ADGRA2: variants seen among roughly 807,000 people sequenced by gnomAD.
The protein encoded by ADGRA2 is adhesion G protein-coupled receptor A2, also known as G-protein coupled receptor 124.
In ADGRA2, 61 loss-of-function variants were observed where a neutral mutation model predicts 98.7. That is an observed-to-expected ratio of 0.62 (90% confidence interval 0.50 to 0.76). ADGRA2 has a LOEUF of 0.76. Ranked by LOEUF, ADGRA2 falls within the 30% of genes least tolerant of loss-of-function variation. The probability of loss-of-function intolerance (pLI) is 0.00; values close to 1 mark genes in which losing one functional copy is unlikely to be tolerated. For synonymous variants in ADGRA2, 858 were observed against 831.5 expected (o/e 1.03, Z -0.55); for missense variants, 1,712 against 1,860.0 (o/e 0.92, Z 1.46).
At position 37,833,673 on chromosome 8, in the gene ADGRA2, T is replaced by TC. The variant is rs1478274322; in HGVS notation, c.1297-10dup. On this transcript the variant is annotated splice_polypyrimidine_tract_variant and intron_variant, in intron 9 of 18. Coordinates refer to ENST00000412232, the MANE Select transcript of ADGRA2 (RefSeq NM_032777.10). ...GAACAGGCGAGATGATCCTCTCTCT[T>TC]CCCCCAATCCCCAGATGCCCATCAA... is the stretch of plus-strand genomic sequence containing the variant. 10 of 1,613,136 alleles carry TC rather than the reference T, an allele frequency of 6.2e-6. No homozygotes were observed. Among genetic ancestry groups the TC allele is most frequent in the Non-Finnish European group, 8.5e-6 (10 of 1,179,332 alleles).
rs150610142 is a variant in ADGRA2 at position 37,822,626 on chromosome 8, C to G, written c.339-6262C>G. Among the ~76,000 whole-genome samples, 788 of 152,272 alleles carry G rather than the reference C, an allele frequency of 5.2e-3. 3 individuals carry two copies. The highest frequency in any genetic ancestry group is 0.018 in the African/African-American group (757 of 41,550). ...ACAGTCACTCCTCATTCCTCCACCC[C>G]CTCTTCCCCAGGCCCAAGCAACCAC... On this transcript the variant is annotated intron_variant, in intron 2 of 18. Transcript: ENST00000412232.
chr8:37,819,596 T>C (rs1206366991), intron 2 of ADGRA2, among the ~76,000 whole-genome samples: 1 of 152,210 alleles, frequency 6.6e-6, no homozygotes, highest in Non-Finnish European at 1.5e-5. Context: ...GGTCTCGATC[T>C]CTTCACCTTG....
chr8:37,835,265 G>A lies in ADGRA2; in HGVS notation c.1700G>A (p.Gly567Glu). The A allele has an allele frequency of 6.2e-7, 1 of 1,613,872 alleles. No individual in the cohort carries two copies. Among genetic ancestry groups the A allele is most frequent in the South Asian group, 1.1e-5 (1 of 91,074 alleles). ...ACAGCCTTCCAGAGGAGGGAGGGAG[G>A]GGTGCCGGGCACACGGCCAGGAAGC... is the stretch of plus-strand genomic sequence containing the variant. ...TCTAFQRREG[G>E]VPGTRPGSPG... The change falls in exon 12 of 19, where the codon GGG becomes GAG. Residue 567 changes from glycine to glutamate, a missense_variant. Transcript: ENST00000412232.
rs2129913439 is a variant in ADGRA2, at chr8:37,806,483, G to T, written c.267-8413G>T. ...GCTTCAGACAATGTGACCCCTATGG[G>T]TGTGGCATTTTCTTTTTCTTTTTCT... On this transcript the variant is annotated intron_variant, in intron 1 of 18. Coordinates refer to ENST00000412232, the MANE Select transcript of ADGRA2 (RefSeq NM_032777.10). 1.4e-5 allele frequency among the ~76,000 whole-genome samples: 2 copies of T among 143,602 alleles called. 1 individual carries two copies. Among genetic ancestry groups the T allele is most frequent in the South Asian group, 4.4e-4 (2 of 4,552 alleles). 94.2% of individuals were successfully genotyped at this position (143,602 alleles called of 152,430 possible).
chr8:37,800,106 T>G (rs573435863), intron 1 of ADGRA2, among the ~76,000 whole-genome samples: 48 of 151,962 alleles, frequency 3.2e-4, no homozygotes, highest in Non-Finnish European at 6.6e-4. Context: ...ATGATCTGTC[T>G]CCTCCCCATC....
At chr8:37,805,705 T>TA (rs1221004983) in intron 1 of ADGRA2, among the ~76,000 whole-genome samples, 1 of 151,776 alleles carries the variant, frequency 6.6e-6, no homozygotes, top group Non-Finnish European at 1.5e-5. Context: ...CCGTCTCTAC[T>TA]AAAAATACAA....
chr8:37,835,111 T>C (rs1805567359), intron 11 of ADGRA2, 63 bp from the exon 12 acceptor site: 2 of 1,187,440 alleles, frequency 1.7e-6, no homozygotes, highest in East Asian at 2.4e-5. Flanking sequence ...TTGAGAGAGA[T>C]GTGCAGTCCC....
chr8:37,811,174 T>G (rs1052131304), intron 1 of ADGRA2, among the ~76,000 whole-genome samples: 2 of 146,036 alleles, frequency 1.4e-5, no homozygotes, highest in Non-Finnish European at 3.0e-5. Context: ...GTGTGTTTTT[T>G]TTTTTTTTTT....
intron 2 of ADGRA2, among the ~76,000 whole-genome samples, chr8:37,818,930 A>T (rs1805055051): frequency 6.6e-6 from 1 of 152,152 alleles, no homozygotes; most frequent in Admixed American, 6.5e-5. Flanking sequence ...CTCAGGAAGG[A>T]TGAAGAGAGC....
rs1003384722 is a variant in ADGRA2 at position 37,834,515 on chromosome 8, G to A, written c.1608+387G>A. 3.3e-5 allele frequency among the ~76,000 whole-genome samples: 5 copies of A among 152,216 alleles called. No homozygotes were observed. In the East Asian group the frequency reaches 5.8e-4, roughly 18 times the overall value. On this transcript the variant is annotated intron_variant, in intron 11 of 18. Coordinates refer to ENST00000412232, the MANE Select transcript of ADGRA2 (RefSeq NM_032777.10). This position sits in a 1 kb window ranked among gnomAD's most constrained non-coding sequence, Gnocchi z 4.2. ...CTGATAACAACCACAGTACAGCATC[G>A]TGTATGTTCAAGATATTGTGCTAGG...
chr8:37,819,928 C>T (rs1217827416), intron 2 of ADGRA2, among the ~76,000 whole-genome samples: 1 of 150,480 alleles, frequency 6.6e-6, no homozygotes, highest in Non-Finnish European at 1.5e-5. Flanking sequence ...ACCTCAGCCT[C>T]CCAAAGTGCT....
intron 1 of ADGRA2, among the ~76,000 whole-genome samples, chr8:37,808,049 C>T (rs553510058): frequency 1.2e-4 from 18 of 152,320 alleles, no homozygotes; most frequent in Middle Eastern, 3.4e-3. Context: ...CCTTGGCCTC[C>T]AGCCTCATTA....
At position 37,835,427 on chromosome 8, in the gene ADGRA2, G is replaced by A. The variant is rs763071863; in HGVS notation, c.1833+29G>A. 5 of 1,585,226 alleles carry A rather than the reference G, an allele frequency of 3.2e-6. No individual in the cohort carries two copies. The South Asian group carries it at 4.4e-5, about 14-fold the overall frequency. ...GGCGCTGGGGGAGGGAGAGGGGGTG[G>A]GAGAAGGGAGGCACTCAGATGCAGG... On this transcript the variant is annotated intron_variant, in intron 12 of 18. Coordinates refer to ENST00000412232, the MANE Select transcript of ADGRA2 (RefSeq NM_032777.10).
chr8:37,831,507 G>A lies in ADGRA2; in HGVS notation c.1017G>A (p.Lys339=), dbSNP rs1417142267. The A allele has an allele frequency of 5.0e-6, 8 of 1,613,934 alleles. No individual in the cohort carries two copies. The highest frequency in any genetic ancestry group is 5.1e-6 in the Non-Finnish European group (6 of 1,180,030). ...TVSMAQGNAS[K]KVEIVVLETS... is the part of the protein sequence containing the mutation. ...CCATGGCCCAAGGCAACGCCAGCAA[G>A]AAGGTGGAGATCGTGGTGCTGGAGA... Residue 339 remains lysine, a synonymous_variant, in exon 8 of 19, where the codon AAG becomes AAA. Transcript: ENST00000412232.
At position 37,843,070 on chromosome 8, in the gene ADGRA2, G is replaced by A. The variant is rs1805860921; in HGVS notation, c.*715G>A. ...AGAGGTGGCACACCGGGACAAAGCT[G>A]AGGCCCTGCACCTCAACAGCTGACT... On this transcript the variant is annotated 3_prime_UTR_variant, in exon 19 of 19. Coordinates refer to ENST00000412232, the MANE Select transcript of ADGRA2 (RefSeq NM_032777.10). 1 of 152,374 alleles carries A rather than the reference G, an allele frequency of 6.6e-6. No homozygotes were observed. Among genetic ancestry groups the A allele is most frequent in the Non-Finnish European group, 1.5e-5 (1 of 68,126 alleles). The allele number at this position is 152,374 out of a possible 1,614,324, so 9.4% of individuals were successfully genotyped here.
chr8:37,814,025 A>T lies in ADGRA2; in HGVS notation c.267-871A>T, dbSNP rs148941575. Among the ~76,000 whole-genome samples, 1,168 of 152,356 alleles carry T rather than the reference A, an allele frequency of 7.7e-3. 8 individuals carry two copies. Among genetic ancestry groups the T allele is most frequent in the Non-Finnish European group, 0.012 (815 of 68,038 alleles). ...CCAAAGAAGGGAGACCCTTTGCCTCAGCCCAGGGCAGGCAAGAGTTTGGGC... is the reference window on the plus strand; with the variant it reads ...CCAAAGAAGGGAGACCCTTTGCCTCTGCCCAGGGCAGGCAAGAGTTTGGGC... On this transcript the variant is annotated intron_variant, in intron 1 of 18. Coordinates refer to ENST00000412232, the MANE Select transcript of ADGRA2 (RefSeq NM_032777.10). This position sits in a 1 kb window ranked among gnomAD's most constrained non-coding sequence, Gnocchi z 4.3.
chr8:37,831,546 C>T lies in ADGRA2; in HGVS notation c.1056C>T (p.Tyr352=), dbSNP rs369657371. 4.8e-5 allele frequency: 78 copies of T among 1,613,742 alleles called. No homozygotes were observed. The highest frequency in any genetic ancestry group is 6.4e-5 in the Non-Finnish European group (76 of 1,180,034). Residue 352 remains tyrosine, a synonymous_variant, in exon 8 of 19, where the codon TAC becomes TAT. Coordinates refer to ENST00000412232, the MANE Select transcript of ADGRA2 (RefSeq NM_032777.10). ...EIVVLETSAS[Y]CPAERVANNR... is the part of the protein sequence containing the mutation. The stretch of plus-strand genomic sequence containing the variant: ...TGGTGCTGGAGACCTCTGCCTCCTA[C>T]TGCCCCGCCGAGCGTGTTGCCAACA...
chr8:37,836,038 A>ACAC (rs1805602800), intron 13 of ADGRA2, among the ~76,000 whole-genome samples: 2 of 124,500 alleles, frequency 1.6e-5, no homozygotes, highest in Admixed American at 8.0e-5. Flanking sequence ...AGCCCCCTCC[A>ACAC]ACACACACAC....
Position 37,830,113 on chromosome 8 carries a change from C to T in ADGRA2, c.718+99C>T, listed in dbSNP as rs1805411211. On this transcript the variant is annotated intron_variant, in intron 6 of 18. Transcript: ENST00000412232. This position sits in a 1 kb window ranked among gnomAD's most constrained non-coding sequence, Gnocchi z 4.8. ...CTCCCCTCAGACCCACAGGTTTTTA[C>T]CTTTGTATTGCAATTTGCAAAAGAC... 1 of 765,990 alleles carries T rather than the reference C, an allele frequency of 1.3e-6. No individual in the cohort carries two copies. The highest frequency in any genetic ancestry group is 2.0e-6 in the Non-Finnish European group (1 of 500,534). The allele number at this position is 765,990 out of a possible 1,614,324, so 47.4% of individuals were successfully genotyped here. A position where few individuals can be genotyped will look rare whatever the true frequency, so the allele number is the denominator to read the frequency against.
Sources: gnomAD v4.1 joint callset for allele counts (sites outside exome capture counted in the v4.1 genomes callset) on GRCh38, gnomAD v4.1.1 for gene constraint, Gnocchi (gnomAD v3.1) non-coding constraint, MANE v1.5 for transcripts, NCBI Gene and HGNC (gene_info 2026-07-23, HGNC 2026-07-21) for gene names.